LRRC4B: variants seen among roughly 807,000 people sequenced by gnomAD.
LRRC4B encodes leucine rich repeat containing 4B.
In LRRC4B, 1 loss-of-function variant was observed where a neutral mutation model predicts 7.3. That is an observed-to-expected ratio of 0.14 (90% confidence interval 0.05 to 0.65). LRRC4B has a LOEUF of 0.65. Among genes scored for constraint, LRRC4B ranks in the 30% least tolerant of loss-of-function variants. LRRC4B has a pLI of 0.84. For synonymous variants in LRRC4B, 500 were observed against 499.2 expected, an observed-to-expected ratio of 1.00 and a Z score of -0.02; for missense variants, 730 against 1,041.6, an observed-to-expected ratio of 0.70 and a Z score of 4.12.
Position 50,548,859 on chromosome 19 carries a change from G to T in LRRC4B, c.-21C>A, listed in dbSNP as rs1348854137. Reference sequence around the variant, plus strand: ...GCCATCCTCAATGTTCATGCTCCGCGTGGACGCTGGGGGGCTGTGGGTGGG... The same window carrying T: ...GCCATCCTCAATGTTCATGCTCCGCTTGGACGCTGGGGGGCTGTGGGTGGG... On this transcript the variant is annotated 5_prime_UTR_variant, in exon 2 of 3. Coordinates refer to ENST00000652263, the MANE Select transcript of LRRC4B (RefSeq NM_001080457.2). The surrounding 1 kb of genome is among the most constrained non-coding windows in gnomAD (Gnocchi z 6.8). 1.1e-5 allele frequency: 16 copies of T among 1,433,602 alleles called. No individual in the cohort carries two copies. Among genetic ancestry groups the T allele is most frequent in the Non-Finnish European group, 1.5e-5 (16 of 1,095,482 alleles). 88.8% of individuals were successfully genotyped at this position (1,433,602 alleles called of 1,614,324 possible).
intron 1 of LRRC4B, among the ~76,000 whole-genome samples, chr19:50,567,250 T>C (rs996425188): frequency 1.3e-5 from 2 of 149,462 alleles, no homozygotes; most frequent in Non-Finnish European, 3.0e-5. Context: ...CCTAGTGGGG[T>C]CAGGGAACGG....
At chr19:50,544,199 C>G (rs1427211097) in intron 2 of LRRC4B, among the ~76,000 whole-genome samples, 2 of 149,292 alleles carry the variant, frequency 1.3e-5, no homozygotes, top group Admixed American at 1.3e-4. Flanking sequence ...AAAAGCAAAA[C>G]TCCATCTCAA....
intron 2 of LRRC4B, among the ~76,000 whole-genome samples, chr19:50,544,003 C>A (rs1386563645): frequency 6.7e-6 from 1 of 148,626 alleles, no homozygotes; most frequent in Non-Finnish European, 1.5e-5. Context: ...GTCAGGAGTT[C>A]GAGACCAGCC....
chr19:50,559,474 G>A (rs1019661476), intron 1 of LRRC4B, among the ~76,000 whole-genome samples: 2 of 152,238 alleles, frequency 1.3e-5, no homozygotes, highest in African/African-American at 4.8e-5. Flanking sequence ...CAGGTCCCTG[G>A]ACTGTGATTC....
In LRRC4B at chr19:50,537,667, G is replaced by A. The variant is rs957276394; in HGVS notation, c.297+10875C>T. Among the ~76,000 whole-genome samples the A allele has an allele frequency of 1.3e-5, 2 of 152,178 alleles. No individual in the cohort carries two copies. Among genetic ancestry groups the A allele is most frequent in the African/African-American group, 4.8e-5 (2 of 41,440 alleles). Reference sequence around the variant, plus strand: ...AACTTTAACAGGTGTGAGCCACCGCGCCCGGCCGACTGTTCTTTTCTGTAA... The same window carrying A: ...AACTTTAACAGGTGTGAGCCACCGCACCCGGCCGACTGTTCTTTTCTGTAA... On this transcript the variant is annotated intron_variant, in intron 2 of 2. Coordinates refer to ENST00000652263, the MANE Select transcript of LRRC4B (RefSeq NM_001080457.2). The surrounding 1 kb of genome is among the most constrained non-coding windows in gnomAD (Gnocchi z 5.5).
rs1354835368 is a variant in LRRC4B at position 50,555,391 on chromosome 19, C to T, written c.-35-6518G>A. On this transcript the variant is annotated intron_variant, in intron 1 of 2. Coordinates refer to ENST00000652263, the MANE Select transcript of LRRC4B (RefSeq NM_001080457.2). This position sits in a 1 kb window ranked among gnomAD's most constrained non-coding sequence, Gnocchi z 5.2. ...CAAGGGTACACCTGTTCTCCTCCCT[C>T]ACCTGGTGCAAGGAACAAGCCAGAG... 6.6e-6 allele frequency: 1 copy of T among 152,516 alleles called. No individual in the cohort carries two copies. Among genetic ancestry groups the T allele is most frequent in the African/African-American group, 2.4e-5 (1 of 41,448 alleles). 9.4% of individuals were successfully genotyped at this position (152,516 alleles called of 1,614,324 possible).
intron 2 of LRRC4B, among the ~76,000 whole-genome samples, chr19:50,524,836 C>T (rs979915573): frequency 1.3e-5 from 2 of 152,192 alleles, no homozygotes; most frequent in African/African-American, 2.4e-5. Flanking sequence ...CCAGCAGCCC[C>T]GATGCTGGCG....
chr19:50,531,682 G>A (rs1981065630), intron 2 of LRRC4B, among the ~76,000 whole-genome samples: 1 of 152,288 alleles, frequency 6.6e-6, no homozygotes, highest in Non-Finnish European at 1.5e-5. Flanking sequence ...CTGCTGAGCA[G>A]CCTCGTGGGG....
At chr19:50,549,338 C>T (rs1183358543) in intron 1 of LRRC4B, among the ~76,000 whole-genome samples, 1 of 152,352 alleles carries the variant, frequency 6.6e-6, no homozygotes, top group East Asian at 1.9e-4. Context: ...CCCATCCCAA[C>T]ACCCGCCCGG....
Position 50,523,778 on chromosome 19 carries a change from C to A in LRRC4B, c.298-4363G>T, listed in dbSNP as rs146981174. 3.4e-3 allele frequency among the ~76,000 whole-genome samples: 509 copies of A among 151,852 alleles called. 3 individuals carry two copies. Among genetic ancestry groups the A allele is most frequent in the Non-Finnish European group, 5.9e-3 (400 of 67,944 alleles). ...TTCGAGACCAGCTTGGCCAACATGGCGAAACCCCATCTCTACTAAAAATAC... is the reference window on the plus strand; with the variant it reads ...TTCGAGACCAGCTTGGCCAACATGGAGAAACCCCATCTCTACTAAAAATAC... On this transcript the variant is annotated intron_variant, in intron 2 of 2. Transcript: ENST00000652263.
chr19:50,519,218 C>A lies in LRRC4B; in HGVS notation c.495G>T (p.Leu165=), dbSNP rs199499096. ...EYLSKLRELW[L]RNNPIESIPS... is the part of the protein sequence containing the mutation. ...GGATGCTCTCGATGGGGTTGTTCCG[C>A]AGCCAGAGCTCCCGCAGCTTGGACA... Residue 165 remains leucine, a synonymous_variant, in exon 3 of 3, where the codon CTG becomes CTT. Coordinates refer to ENST00000652263, the MANE Select transcript of LRRC4B (RefSeq NM_001080457.2). This position sits in a 1 kb window ranked among gnomAD's most constrained non-coding sequence, Gnocchi z 8.1. 1 of 1,614,106 alleles carries A rather than the reference C, an allele frequency of 6.2e-7. No individual in the cohort carries two copies. Among genetic ancestry groups the A allele is most frequent in the Non-Finnish European group, 8.5e-7 (1 of 1,180,032 alleles).
Position 50,519,250 on chromosome 19 carries a change from C to G in LRRC4B, c.463G>C (p.Glu155Gln). 2.5e-6 allele frequency: 4 copies of G among 1,614,076 alleles called. No homozygotes were observed. The highest frequency in any genetic ancestry group is 3.4e-6 in the Non-Finnish European group (4 of 1,180,032). ...RLTTVPTQAF[E>Q]YLSKLRELWL... ...AGCTCCCGCAGCTTGGACAGGTACT[C>G]GAAGGCCTGCGTGGGCACCGTGGTC... Residue 155 changes from glutamate to glutamine, a missense_variant, in exon 3 of 3, where the codon GAG becomes CAG. Glu to Gln is a conservative substitution (Grantham distance 29, BLOSUM62 2). This residue lies in a region of LRRC4B where 226 missense variants were observed against 448.0 expected (regional missense o/e 0.50). Coordinates refer to ENST00000652263, the MANE Select transcript of LRRC4B (RefSeq NM_001080457.2). This position sits in a 1 kb window ranked among gnomAD's most constrained non-coding sequence, Gnocchi z 8.1.
chr19:50,543,408 AC>A (rs1294840666), intron 2 of LRRC4B, among the ~76,000 whole-genome samples: 1 of 151,668 alleles, frequency 6.6e-6, no homozygotes, highest in Non-Finnish European at 1.5e-5. Context: ...TGAGGAAGCC[AC>A]ATAGAACTCA....
chr19:50,524,514 A>G lies in LRRC4B; in HGVS notation c.298-5099T>C, dbSNP rs368577841. 2.0e-5 allele frequency among the ~76,000 whole-genome samples: 3 copies of G among 152,270 alleles called. No individual in the cohort carries two copies. The East Asian group carries it at 5.8e-4, about 29-fold the overall frequency. Reference sequence around the variant, plus strand: ...AGCGATCCTCCCGTCTCAGCCTCCCAAAGTGCTGGGATTATAGGTGTGAGC... The same window carrying G: ...AGCGATCCTCCCGTCTCAGCCTCCCGAAGTGCTGGGATTATAGGTGTGAGC... On this transcript the variant is annotated intron_variant, in intron 2 of 2. Coordinates refer to ENST00000652263, the MANE Select transcript of LRRC4B (RefSeq NM_001080457.2).
intron 1 of LRRC4B, among the ~76,000 whole-genome samples, chr19:50,560,734 T>C (rs1982434548): frequency 6.6e-6 from 1 of 152,178 alleles, no homozygotes; most frequent in Non-Finnish European, 1.5e-5. Flanking sequence ...AATAGCTTGT[T>C]GGGGTTCCTG....
intron 1 of LRRC4B, 145 bp from the exon 2 acceptor site, chr19:50,549,018 G>T: frequency 1.7e-6 from 1 of 573,848 alleles, no homozygotes; most frequent in South Asian, 2.3e-5. Context: ...GACAGCTGCC[G>T]ATGGACCCAC....
intron 2 of LRRC4B, among the ~76,000 whole-genome samples, chr19:50,528,241 G>C (rs1014076058): frequency 5.9e-5 from 9 of 151,828 alleles, no homozygotes; most frequent in African/African-American, 1.9e-4. Flanking sequence ...GGGTCTTGCT[G>C]TGTTGCCCAG....
At chr19:50,559,030 G>T (rs1267833393) in intron 1 of LRRC4B, among the ~76,000 whole-genome samples, 1 of 152,202 alleles carries the variant, frequency 6.6e-6, no homozygotes, top group Non-Finnish European at 1.5e-5. Context: ...AGCTGCTGCT[G>T]CCCATTTTAC....
intron 2 of LRRC4B, among the ~76,000 whole-genome samples, chr19:50,542,016 G>T (rs1480873602): frequency 6.6e-6 from 1 of 152,200 alleles, no homozygotes; most frequent in Non-Finnish European, 1.5e-5. Flanking sequence ...GTGAGACAAA[G>T]ACAGCGATCT....
Sources: gnomAD v4.1 joint callset for allele counts (sites outside exome capture counted in the v4.1 genomes callset) on GRCh38, gnomAD v4.1.1 for gene constraint, gnomAD v4.1.1 regional missense constraint, Gnocchi (gnomAD v3.1) non-coding constraint, MANE v1.5 for transcripts, NCBI Gene and HGNC (gene_info 2026-07-23, HGNC 2026-07-21) for gene names.